SSTR2: variants seen among roughly 807,000 people sequenced by gnomAD.
SSTR2 encodes somatostatin receptor type 2.
Under a neutral mutation model 21.4 loss-of-function variants are expected in SSTR2, and 10 were observed. That is an observed-to-expected ratio of 0.47 (90% CI 0.29 to 0.79). The LOEUF is 0.79. Ranked by LOEUF, SSTR2 falls within the 30% of genes least tolerant of loss-of-function variation. The pLI, the probability that SSTR2 is intolerant of heterozygous loss-of-function variation, is 0.10. For missense variants in SSTR2, 364 were observed against 468.8 expected (o/e 0.78, Z 2.06); for synonymous variants, 177 against 181.3 (o/e 0.98, Z 0.19).
At position 73,169,712 on chromosome 17, in the gene SSTR2, C is replaced by CT; in HGVS notation, c.394dup (p.Cys132LeufsTer69). On this transcript the variant is annotated frameshift_variant, in exon 2 of 2. Coordinates refer to ENST00000357585, the MANE Select transcript of SSTR2 (RefSeq NM_001050.3). LOFTEE classifies it high-confidence loss of function. The surrounding 1 kb of genome is among the most constrained non-coding windows in gnomAD (Gnocchi z 5.2). The stretch of plus-strand genomic sequence containing the variant: ...GCATCAATCAGTTCACCAGCATCTT[C>CT]TGCCTGACAGTCATGAGCATCGACC... The CT allele has an allele frequency of 6.2e-7, 1 of 1,614,268 alleles. No individual in the cohort carries two copies. The highest frequency in any genetic ancestry group is 8.5e-7 in the Non-Finnish European group (1 of 1,180,056).
rs1272646261 is a variant in SSTR2 at position 73,169,147 on chromosome 17, G to A, written c.-92-81G>A. On this transcript the variant is annotated intron_variant, in intron 1 of 1. Transcript: ENST00000357585. The surrounding 1 kb of genome is among the most constrained non-coding windows in gnomAD (Gnocchi z 5.2). ...TTTCAATTTAAGAGTATGTCTGAGA[G>A]GCTAAACCAGAAATGTGTAAATTTG... The A allele has an allele frequency of 1.4e-6, 1 of 712,358 alleles. No homozygotes were observed. The highest frequency in any genetic ancestry group is 2.3e-6 in the Non-Finnish European group (1 of 441,600). 44.1% of individuals were successfully genotyped at this position (712,358 alleles called of 1,614,324 possible). A position where few individuals can be genotyped will look rare whatever the true frequency, so the allele number is the denominator to read the frequency against.
In SSTR2 at chr17:73,170,421, A is replaced by G. The variant is rs2061230882; in HGVS notation, c.1102A>G (p.Ser368Gly). The change falls in exon 2 of 2, where the codon AGT (serine) becomes GGT (glycine). Residue 368 changes from serine to glycine, a missense_variant. Ser to Gly is a moderately conservative substitution (Grantham distance 56). Around this residue, in one of 4 missense-constraint regions of SSTR2, gnomAD observed 71 missense variants for 53.8 expected, o/e 1.32. Coordinates refer to ENST00000357585, the MANE Select transcript of SSTR2 (RefSeq NM_001050.3). Reference protein sequence around the residue: ...RTLLNGDLQTSI With the variant: ...RTLLNGDLQTGI The stretch of plus-strand genomic sequence containing the variant: ...CCTCCTCAATGGAGACCTCCAAACC[A>G]GTATCTGAACTGCTTGGGGGGTGGG... 6.2e-7 allele frequency: 1 copy of G among 1,612,966 alleles called. No homozygotes were observed.
At chr17:73,166,886 G>A (rs2236751) in intron 1 of SSTR2, among the ~76,000 whole-genome samples, 1 of 152,076 alleles carries the variant, frequency 6.6e-6, no homozygotes, top group East Asian at 1.9e-4. Context: ...TAAAATGACC[G>A]AGTTAGGGCT....
Position 73,169,668 on chromosome 17 carries a change from G to C in SSTR2, c.349G>C (p.Val117Leu). 2.5e-6 allele frequency: 4 copies of C among 1,614,222 alleles called. No individual in the cohort carries two copies. The highest frequency in any genetic ancestry group is 3.4e-6 in the Non-Finnish European group (4 of 1,180,034). Residue 117 changes from valine to leucine, a missense_variant, in exon 2 of 2, where the codon GTG (valine) becomes CTG (leucine). This residue lies in a region of SSTR2 where 193 missense variants were observed against 273.1 expected (regional missense o/e 0.71). Coordinates refer to ENST00000357585, the MANE Select transcript of SSTR2 (RefSeq NM_001050.3). This position sits in a 1 kb window ranked among gnomAD's most constrained non-coding sequence, Gnocchi z 5.2. ...HWPFGKAICR[V>L]VMTVDGINQF... ...GCCCTTTGGCAAGGCCATTTGCCGGGTGGTCATGACTGTGGATGGCATCAA... is the reference window on the plus strand; with the variant it reads ...GCCCTTTGGCAAGGCCATTTGCCGGCTGGTCATGACTGTGGATGGCATCAA...
intron 1 of SSTR2, among the ~76,000 whole-genome samples, chr17:73,168,995 C>G (rs1388642465): frequency 6.6e-6 from 1 of 152,318 alleles, no homozygotes; most frequent in Non-Finnish European, 1.5e-5. Flanking sequence ...CAGCCCTCCC[C>G]GACATGTGCG....
rs937791990 is a variant in SSTR2, at chr17:73,170,628, C to A, written c.*199C>A. The A allele has an allele frequency of 1.2e-5, 9 of 747,526 alleles. No individual in the cohort carries two copies. In the African/African-American group the frequency reaches 1.6e-4, roughly 13 times the overall value. 46.3% of individuals were successfully genotyped at this position (747,526 alleles called of 1,614,324 possible). The stretch of plus-strand genomic sequence containing the variant: ...ATAATGTGCTAAATTGATTACCTCC[C>A]CCTTAAAGCGAACACTGAAATGCAG... On this transcript the variant is annotated 3_prime_UTR_variant, in exon 2 of 2. Coordinates refer to ENST00000357585, the MANE Select transcript of SSTR2 (RefSeq NM_001050.3).
chr17:73,166,676 A>G (rs2061217465), intron 1 of SSTR2, among the ~76,000 whole-genome samples: 1 of 152,208 alleles, frequency 6.6e-6, no homozygotes, highest in Admixed American at 6.5e-5. Flanking sequence ...AAAATGAAAC[A>G]GAAGTCTCTG....
chr17:73,174,892 C>G lies in SSTR2; in HGVS notation c.*4463C>G, dbSNP rs2061245060. The G allele has an allele frequency of 6.5e-6, 1 of 152,954 alleles. No homozygotes were observed. The highest frequency in any genetic ancestry group is 1.5e-5 in the Non-Finnish European group (1 of 68,022). 9.5% of individuals were successfully genotyped at this position (152,954 alleles called of 1,614,324 possible). On this transcript the variant is annotated 3_prime_UTR_variant, in exon 2 of 2. Coordinates refer to ENST00000357585, the MANE Select transcript of SSTR2 (RefSeq NM_001050.3). ...TTTGTAATTCTTTACTGTAGAACAG[C>G]TCAAAATATCAGTTCTGTTTTAAGT...
rs995010871 is a variant in SSTR2 at position 73,174,248 on chromosome 17, G to A, written c.*3819G>A. The A allele has an allele frequency of 5.3e-5, 8 of 152,142 alleles. No individual in the cohort carries two copies. Among genetic ancestry groups the A allele is most frequent in the Admixed American group, 5.2e-4 (8 of 15,258 alleles). 9.4% of individuals were successfully genotyped at this position (152,142 alleles called of 1,614,324 possible). On this transcript the variant is annotated 3_prime_UTR_variant, in exon 2 of 2. Transcript: ENST00000357585. ...GAGGAACACGCGGGCCAGTGGATGA[G>A]GCTTCTAGACCTGGCAGTGAACTGG...
In SSTR2 at chr17:73,170,628, C is replaced by T. The variant is rs937791990; in HGVS notation, c.*199C>T. 1.3e-6 allele frequency: 1 copy of T among 747,526 alleles called. No homozygotes were observed. Among genetic ancestry groups the T allele is most frequent in the Non-Finnish European group, 2.4e-6 (1 of 417,308 alleles). The allele number at this position is 747,526 out of a possible 1,614,324, so 46.3% of individuals were successfully genotyped here. A position where few individuals can be genotyped will look rare whatever the true frequency, so the allele number is the denominator to read the frequency against. On this transcript the variant is annotated 3_prime_UTR_variant, in exon 2 of 2. Transcript: ENST00000357585. ...ATAATGTGCTAAATTGATTACCTCC[C>T]CCTTAAAGCGAACACTGAAATGCAG... is the stretch of plus-strand genomic sequence containing the variant.
In SSTR2 at chr17:73,175,201, C is replaced by T. The variant is rs1240644533; in HGVS notation, c.*4772C>T. On this transcript the variant is annotated 3_prime_UTR_variant, in exon 2 of 2. Transcript: ENST00000357585. ...CCAAATTCAAAAACACCAAATTTCCCATCAAATGTTCTGTCAGAGTAAACC... is the reference window on the plus strand; with the variant it reads ...CCAAATTCAAAAACACCAAATTTCCTATCAAATGTTCTGTCAGAGTAAACC... 1 of 152,184 alleles carries T rather than the reference C, an allele frequency of 6.6e-6. No homozygotes were observed. Among genetic ancestry groups the T allele is most frequent in the Non-Finnish European group, 1.5e-5 (1 of 68,030 alleles). 9.4% of individuals were successfully genotyped at this position (152,184 alleles called of 1,614,324 possible).
chr17:73,170,472 C>T lies in SSTR2; in HGVS notation c.*43C>T, dbSNP rs753442091. 2 of 1,594,410 alleles carry T rather than the reference C, an allele frequency of 1.3e-6. No homozygotes were observed. Among genetic ancestry groups the T allele is most frequent in the East Asian group, 2.2e-5 (1 of 44,676 alleles). ...AAAGAACCAAGCCATGCTCTGTCTA[C>T]TGGCAATGGGCTCCCTACCCACACT... On this transcript the variant is annotated 3_prime_UTR_variant, in exon 2 of 2. Transcript: ENST00000357585.
chr17:73,170,350 AGCAGGACAAATCCCG>A lies in SSTR2; in HGVS notation c.1034_1048del (p.Gln345_Arg349del). On this transcript the variant is annotated inframe_deletion, in exon 2 of 2. Coordinates refer to ENST00000357585, the MANE Select transcript of SSTR2 (RefSeq NM_001050.3). ...GATGATGGGGAGCGGAGTGACAGTA[AGCAGGACAAATCCCG>A]GCTGAATGAGACCACGGAGACCCAG... The A allele has an allele frequency of 1.2e-6, 2 of 1,614,056 alleles. No homozygotes were observed.
rs1257557773 is a variant in SSTR2, at chr17:73,165,188, G to A, written c.-193G>A. On this transcript the variant is annotated 5_prime_UTR_variant, in exon 1 of 2. Transcript: ENST00000357585. ...CAGGAACCCCAAACGTCCGGCGCCAGGCGCTAGCCAAGCTGCTGCGCGCCC... is the reference window on the plus strand; with the variant it reads ...CAGGAACCCCAAACGTCCGGCGCCAAGCGCTAGCCAAGCTGCTGCGCGCCC... The A allele has an allele frequency of 1.3e-5, 2 of 152,304 alleles. No homozygotes were observed. The highest frequency in any genetic ancestry group is 4.8e-5 in the African/African-American group (2 of 41,478). 9.4% of individuals were successfully genotyped at this position (152,304 alleles called of 1,614,324 possible).
In SSTR2 at chr17:73,167,078, G is replaced by A. The variant is rs570313298; in HGVS notation, c.-93+1790G>A. On this transcript the variant is annotated intron_variant, in intron 1 of 1. Transcript: ENST00000357585. The stretch of plus-strand genomic sequence containing the variant: ...CCCCATGATAAGGTACACTCTGATT[G>A]CAGGCAGCTTGAATAGGATTCTGGC... 1.4e-4 allele frequency among the ~76,000 whole-genome samples: 21 copies of A among 152,298 alleles called. No homozygotes were observed. In the South Asian group the frequency reaches 3.5e-3, roughly 26 times the overall value.
rs2061232899 is a variant in SSTR2, at chr17:73,170,841, T to G, written c.*412T>G. On this transcript the variant is annotated 3_prime_UTR_variant, in exon 2 of 2. Coordinates refer to ENST00000357585, the MANE Select transcript of SSTR2 (RefSeq NM_001050.3). ...TATAGGCATTACCTACGTTCCTGTG[T>G]TTACATACACAAGTAGCAAATTCGA... 4.8e-6 allele frequency: 2 copies of G among 415,876 alleles called. No homozygotes were observed. The highest frequency in any genetic ancestry group is 9.8e-6 in the Non-Finnish European group (2 of 203,174). 25.8% of individuals were successfully genotyped at this position (415,876 alleles called of 1,614,324 possible).
In SSTR2 at chr17:73,170,877, T is replaced by C; in HGVS notation, c.*448T>C. On this transcript the variant is annotated 3_prime_UTR_variant, in exon 2 of 2. Coordinates refer to ENST00000357585, the MANE Select transcript of SSTR2 (RefSeq NM_001050.3). ...AAGTAGCAAATTCGAGTATGCATAG[T>C]GTAGATGGACATTTGCCACAACACA... 2.6e-6 allele frequency: 1 copy of C among 388,736 alleles called. No homozygotes were observed. Among genetic ancestry groups the C allele is most frequent in the Non-Finnish European group, 5.2e-6 (1 of 190,740 alleles). 24.1% of individuals were successfully genotyped at this position (388,736 alleles called of 1,614,324 possible).
Position 73,169,394 on chromosome 17 carries a change from G to A in SSTR2, c.75G>A (p.Val25=). The A allele has an allele frequency of 6.2e-7, 1 of 1,614,220 alleles. No individual in the cohort carries two copies. The highest frequency in any genetic ancestry group is 8.5e-7 in the Non-Finnish European group (1 of 1,180,036). ...LSIPFDLNGS[V]VSTNTSNQTE... is the part of the protein sequence containing the mutation. ...TTCCATTTGACCTCAATGGCTCTGT[G>A]GTGTCAACCAACACCTCAAACCAGA... is the stretch of plus-strand genomic sequence containing the variant. The change falls in exon 2 of 2, where the codon GTG becomes GTA. Residue 25 remains valine (V), a synonymous_variant. Coordinates refer to ENST00000357585, the MANE Select transcript of SSTR2 (RefSeq NM_001050.3). The surrounding 1 kb of genome is among the most constrained non-coding windows in gnomAD (Gnocchi z 5.2).
Position 73,169,529 on chromosome 17 carries a change from C to T in SSTR2, c.210C>T (p.Arg70=). The T allele has an allele frequency of 6.2e-7, 1 of 1,614,290 alleles. No individual in the cohort carries two copies. The part of the protein sequence containing the change: ...GNTLVIYVIL[R]YAKMKTITNI... ...CACTTGTCATTTATGTCATCCTCCGCTATGCCAAGATGAAGACCATCACCA... is the reference window on the plus strand; with the variant it reads ...CACTTGTCATTTATGTCATCCTCCGTTATGCCAAGATGAAGACCATCACCA... Residue 70 remains arginine (R), a synonymous_variant, in exon 2 of 2, where the codon CGC becomes CGT. Transcript: ENST00000357585. This position sits in a 1 kb window ranked among gnomAD's most constrained non-coding sequence, Gnocchi z 5.2.
Sources: gnomAD v4.1 joint callset for allele counts (sites outside exome capture counted in the v4.1 genomes callset) on GRCh38, gnomAD v4.1.1 for gene constraint, gnomAD v4.1.1 regional missense constraint, Gnocchi (gnomAD v3.1) non-coding constraint, MANE v1.5 for transcripts, NCBI Gene and HGNC (gene_info 2026-07-23, HGNC 2026-07-21) for gene names.